The following KCTD8 variants were observed in gnomAD, a reference collection of about 807,000 sequenced individuals.
KCTD8 encodes BTB/POZ domain-containing protein KCTD8.
KCTD8 carries 27 observed loss-of-function variants against 31.5 expected under a neutral mutation model. That is an observed-to-expected ratio of 0.86 (90% CI 0.63 to 1.18). The LOEUF is 1.18. KCTD8 is among the 50% of genes most tolerant of loss of function. The probability of loss-of-function intolerance (pLI) is 0.00; values close to 1 mark genes in which losing one functional copy is unlikely to be tolerated. For synonymous variants in KCTD8, 290 were observed against 280.0 expected (o/e 1.04, Z -0.36); for missense variants, 658 against 647.7 (o/e 1.02, Z -0.17).
chr4:44,236,869 C>T (rs1715305499), intron 1 of KCTD8, among the ~76,000 whole-genome samples: 1 of 152,126 alleles, frequency 6.6e-6, no homozygotes, highest in South Asian at 2.1e-4. Context: ...ATACTGTTCT[C>T]ATGGTAGTAA....
At chr4:44,377,592 C>T (rs1181307673) in intron 1 of KCTD8, among the ~76,000 whole-genome samples, 1 of 152,146 alleles carries the variant, frequency 6.6e-6, no homozygotes. Flanking sequence ...TAAAGAAGGG[C>T]CAGAGTGGGT....
chr4:44,425,759 A>G (rs1365247921), intron 1 of KCTD8, among the ~76,000 whole-genome samples: 1 of 151,996 alleles, frequency 6.6e-6, no homozygotes, highest in Non-Finnish European at 1.5e-5. Context: ...AAATCTATCA[A>G]CGCAATCTAT....
At chr4:44,298,071 C>T (rs550188713) in intron 1 of KCTD8, among the ~76,000 whole-genome samples, 76 of 152,106 alleles carry the variant, frequency 5.0e-4, no homozygotes, top group Non-Finnish European at 1.0e-3. Context: ...GTATCTGATG[C>T]AGAGTTTGTC....
At chr4:44,283,887 A>C (rs911013614) in intron 1 of KCTD8, among the ~76,000 whole-genome samples, 1 of 152,180 alleles carries the variant, frequency 6.6e-6, no homozygotes, top group African/African-American at 2.4e-5. Flanking sequence ...ATTGCTACTA[A>C]GAGAATAAAA....
At chr4:44,433,968 C>T (rs1721576293) in intron 1 of KCTD8, among the ~76,000 whole-genome samples, 1 of 151,940 alleles carries the variant, frequency 6.6e-6, no homozygotes, top group East Asian at 1.9e-4. Flanking sequence ...GCCACAGTTG[C>T]TTTTTGAAAA....
intron 1 of KCTD8, among the ~76,000 whole-genome samples, chr4:44,405,564 G>A (rs1018430800): frequency 3.3e-5 from 5 of 151,826 alleles, no homozygotes; most frequent in African/African-American, 7.3e-5. Context: ...CACCGCACCC[G>A]GCCCAGCCAG....
intron 1 of KCTD8, among the ~76,000 whole-genome samples, chr4:44,390,951 G>A (rs1420269318): frequency 1.3e-5 from 2 of 151,872 alleles, no homozygotes; most frequent in Non-Finnish European, 2.9e-5. Flanking sequence ...CTACCCAGAG[G>A]AAAAGAAGTC....
intron 1 of KCTD8, among the ~76,000 whole-genome samples, chr4:44,410,730 A>C (rs1720933549): frequency 6.6e-6 from 1 of 152,070 alleles, no homozygotes; most frequent in Admixed American, 6.6e-5. Flanking sequence ...CCCTTATAAT[A>C]ACTATCAGCT....
At chr4:44,316,747 G>A (rs944023952) in intron 1 of KCTD8, among the ~76,000 whole-genome samples, 8 of 126,616 alleles carry the variant, frequency 6.3e-5, no homozygotes, top group African/African-American at 2.4e-4. Context: ...TCAGGAGATC[G>A]AGACCATCCT....
chr4:44,345,484 T>C (rs573581262), intron 1 of KCTD8, among the ~76,000 whole-genome samples: 13 of 152,102 alleles, frequency 8.5e-5, no homozygotes, highest in African/African-American at 2.6e-4. Context: ...TAGAGATAGT[T>C]AAAATAAAAA....
intron 1 of KCTD8, among the ~76,000 whole-genome samples, chr4:44,376,830 T>C (rs1719926194): frequency 6.6e-6 from 1 of 152,070 alleles, no homozygotes; most frequent in Non-Finnish European, 1.5e-5. Flanking sequence ...GGTTCTTAAA[T>C]TGAAAAGGAG....
intron 1 of KCTD8, among the ~76,000 whole-genome samples, chr4:44,193,943 A>T (rs1194540873): frequency 6.6e-6 from 1 of 152,186 alleles, no homozygotes; most frequent in African/African-American, 2.4e-5. Context: ...TCCTACAGTA[A>T]AATTTACAGA....
At chr4:44,423,880 T>A (rs1431275534) in intron 1 of KCTD8, among the ~76,000 whole-genome samples, 1 of 152,144 alleles carries the variant, frequency 6.6e-6, no homozygotes, top group African/African-American at 2.4e-5. Flanking sequence ...TAACAAGACC[T>A]CTGAATTATT....
intron 1 of KCTD8, among the ~76,000 whole-genome samples, chr4:44,232,402 G>A (rs1715148796): frequency 6.6e-6 from 1 of 152,024 alleles, no homozygotes; most frequent in Non-Finnish European, 1.5e-5. Context: ...TCACTCTTCT[G>A]TCCTCTCTTT....
chr4:44,239,926 T>C (rs1361902939), intron 1 of KCTD8, among the ~76,000 whole-genome samples: 2 of 152,234 alleles, frequency 1.3e-5, no homozygotes, highest in South Asian at 2.1e-4. Context: ...GTCTTGAGAA[T>C]ACTCCACTTG....
At chr4:44,445,970 A>T (rs1228834265) in intron 1 of KCTD8, among the ~76,000 whole-genome samples, 1 of 152,202 alleles carries the variant, frequency 6.6e-6, no homozygotes, top group African/African-American at 2.4e-5. Flanking sequence ...GGCTTTTCTG[A>T]CCATTAATCT....
intron 1 of KCTD8, among the ~76,000 whole-genome samples, chr4:44,399,279 G>A (rs571600182): frequency 2.0e-5 from 3 of 152,136 alleles, no homozygotes; most frequent in Non-Finnish European, 4.4e-5. Context: ...AAAAGTAACT[G>A]ATTAGTGAAA....
intron 1 of KCTD8, among the ~76,000 whole-genome samples, chr4:44,401,011 C>CTTTTT (rs59602420): frequency 0.025 from 2,420 of 95,920 alleles, 3 homozygotes; most frequent in East Asian, 0.032. Context: ...AATTTTCTTT[C>CTTTTT]TTTTTTTTTT....
intron 1 of KCTD8, among the ~76,000 whole-genome samples, chr4:44,367,433 C>T (rs1264324037): frequency 1.3e-5 from 2 of 152,148 alleles, no homozygotes; most frequent in African/African-American, 4.8e-5. Context: ...TTACTGGACC[C>T]AGTTTAGCAC....
Sources: gnomAD v4.1 joint callset for allele counts (sites outside exome capture counted in the v4.1 genomes callset) on GRCh38, gnomAD v4.1.1 for gene constraint, MANE v1.5 for transcripts, NCBI Gene and HGNC (gene_info 2026-07-23, HGNC 2026-07-21) for gene names.